LPP: variants seen among roughly 807,000 people sequenced by gnomAD.
The protein encoded by LPP is lipoma-preferred partner.
In LPP, 38 loss-of-function variants were observed where a neutral mutation model predicts 60.4. The observed-to-expected ratio is 0.63, with a 90% CI of 0.49 to 0.83. LPP has a LOEUF of 0.83. Ranked by LOEUF, LPP falls within the 40% of genes least tolerant of loss-of-function variation. LPP has a pLI of 0.00. For synonymous variants in LPP, 328 were observed against 290.8 expected (o/e 1.13, Z -1.30); for missense variants, 902 against 783.6 (o/e 1.15, Z -1.80).
chr3:188,240,342 A>AGT (rs75173733), intron 2 of LPP, among the ~76,000 whole-genome samples: 4,229 of 143,692 alleles, frequency 0.029, 96 homozygotes, highest in South Asian at 0.06. Context: ...TTTGGGTAAG[A>AGT]GTGTGTGTGT....
chr3:188,489,077 A>G (rs1313681576), intron 5 of LPP, among the ~76,000 whole-genome samples: 2 of 152,216 alleles, frequency 1.3e-5, no homozygotes, highest in Non-Finnish European at 2.9e-5. Flanking sequence ...TGGACTTGCA[A>G]GAGAATTAGA....
chr3:188,780,507 AATC>A (rs1436569012), intron 9 of LPP, among the ~76,000 whole-genome samples: 1 of 152,148 alleles, frequency 6.6e-6, no homozygotes, highest in Non-Finnish European at 1.5e-5. Flanking sequence ...TTCCCAAAGG[AATC>A]ATCTGTGAAG....
chr3:188,681,860 A>G (rs148447806), intron 7 of LPP, among the ~76,000 whole-genome samples: 5 of 152,302 alleles, frequency 3.3e-5, no homozygotes, highest in African/African-American at 1.2e-4. Context: ...GTGTGTGCAT[A>G]TTGTTTGTCT....
At chr3:188,246,602 A>G (rs1268394557) in intron 2 of LPP, among the ~76,000 whole-genome samples, 1 of 152,184 alleles carries the variant, frequency 6.6e-6, no homozygotes. Flanking sequence ...TTTTCTATTC[A>G]GCAACAACAT....
chr3:188,760,409 G>GGGTGTGTGTGTGTGT (rs1553836222), intron 9 of LPP, 127 bp downstream of exon 9: 7 of 602,710 alleles, frequency 1.2e-5, no homozygotes, highest in South Asian at 1.9e-5. Flanking sequence ...GTGTGTGTGG[G>GGGTGTGTGTGTGTGT]GTGTGTGTGT....
intron 9 of LPP, among the ~76,000 whole-genome samples, chr3:188,810,291 C>T (rs1231622595): frequency 6.6e-6 from 1 of 152,076 alleles, no homozygotes; most frequent in Non-Finnish European, 1.5e-5. Flanking sequence ...CATCCTGTCT[C>T]TCCTCAGAGG....
intron 2 of LPP, among the ~76,000 whole-genome samples, chr3:188,294,660 T>C (rs1577914298): frequency 6.6e-6 from 1 of 152,214 alleles, no homozygotes; most frequent in East Asian, 1.9e-4. Flanking sequence ...GTACTGACAG[T>C]CCTGATTGTA....
chr3:188,230,092 CTT>C (rs112163584), intron 2 of LPP, among the ~76,000 whole-genome samples: 1 of 146,144 alleles, frequency 6.8e-6, no homozygotes, highest in African/African-American at 2.5e-5. Context: ...GAAACATATT[CTT>C]TTTTTTTTTT....
At position 188,609,699 on chromosome 3, in the gene LPP, C is replaced by G. The variant is rs1338841254; in HGVS notation, c.968C>G (p.Pro323Arg). 3.1e-6 allele frequency: 5 copies of G among 1,613,966 alleles called. No homozygotes were observed. Among genetic ancestry groups the G allele is most frequent in the Non-Finnish European group, 3.4e-6 (4 of 1,180,016 alleles). ...CCTACCTATGGTCAACAAGGTCACC[C>G]AAATACCTGGAAACGGGAACCAGGG... ...SDPTYGQQGH[P>R]NTWKREPGYT... Residue 323 changes from proline (P) to arginine (R), a missense_variant, in exon 7 of 12, where the codon CCA becomes CGA. Transcript: ENST00000617246. This position sits in a 1 kb window ranked among gnomAD's most constrained non-coding sequence, Gnocchi z 6.9.
intron 9 of LPP, among the ~76,000 whole-genome samples, chr3:188,779,243 A>G (rs1034146257): frequency 1.3e-5 from 2 of 152,142 alleles, no homozygotes; most frequent in Non-Finnish European, 2.9e-5. Context: ...AGTGTGCTTG[A>G]GAGATAGGGG....
intron 1 of LPP, among the ~76,000 whole-genome samples, chr3:188,223,738 G>T (rs1716669956): frequency 6.6e-6 from 1 of 152,168 alleles, no homozygotes; most frequent in South Asian, 2.1e-4. Flanking sequence ...ATCTCTCTCT[G>T]CAAGGAGAAG....
At chr3:188,279,332 G>A (rs1741118205) in intron 2 of LPP, among the ~76,000 whole-genome samples, 1 of 152,144 alleles carries the variant, frequency 6.6e-6, no homozygotes, top group African/African-American at 2.4e-5. Context: ...TAAAACAAAG[G>A]TAACCTCTCA....
At chr3:188,536,080 C>G (rs11924803) in intron 6 of LPP, among the ~76,000 whole-genome samples, 1,849 of 144,774 alleles carry the variant, frequency 0.013, 38 homozygotes, top group African/African-American at 0.045. Context: ...ATGATCTCAT[C>G]TCACCGCAAC....
intron 8 of LPP, among the ~76,000 whole-genome samples, chr3:188,734,947 C>G (rs1298601231): frequency 6.6e-6 from 1 of 152,194 alleles, no homozygotes; most frequent in African/African-American, 2.4e-5. Context: ...ATGCCATAAT[C>G]TACACGTGAA....
intron 3 of LPP, among the ~76,000 whole-genome samples, chr3:188,379,893 G>T (rs1578470324): frequency 6.6e-6 from 1 of 152,200 alleles, no homozygotes. Context: ...AGACTATTGG[G>T]TCTGCTGACT....
At chr3:188,276,815 G>A (rs1419378553) in intron 2 of LPP, among the ~76,000 whole-genome samples, 1 of 150,434 alleles carries the variant, frequency 6.6e-6, no homozygotes, top group East Asian at 1.9e-4. Flanking sequence ...CTCCACAGAA[G>A]GAGATGCTGC....
At chr3:188,767,797 A>T (rs1734631186) in intron 9 of LPP, among the ~76,000 whole-genome samples, 1 of 152,180 alleles carries the variant, frequency 6.6e-6, no homozygotes, top group Non-Finnish European at 1.5e-5. Flanking sequence ...ATGCCAAGTA[A>T]TACTAGTCTC....
chr3:188,719,004 G>A (rs1412556414), intron 8 of LPP, among the ~76,000 whole-genome samples: 1 of 151,914 alleles, frequency 6.6e-6, no homozygotes, highest in Non-Finnish European at 1.5e-5. Flanking sequence ...TTCACTTAAG[G>A]GCACAGGAAA....
rs373793908 is a variant in LPP, at chr3:188,318,863, A to G, written c.-66-22800A>G. Among the ~76,000 whole-genome samples, 101 of 138,652 alleles carry G rather than the reference A, an allele frequency of 7.3e-4. No homozygotes were observed. The East Asian group carries it at 0.015, about 20-fold the overall frequency. The allele number at this position is 138,652 out of a possible 152,430, so 91.0% of individuals were successfully genotyped here. ...AAGCTCCGCCTCCCGGGTTCACGCC[A>G]TTCTCCTGCCTCAGCCTCCCAAGTA... On this transcript the variant is annotated intron_variant, in intron 2 of 11. Coordinates refer to ENST00000617246, the MANE Select transcript of LPP (RefSeq NM_001375462.1).
Sources: allele counts gnomAD v4.1 joint callset (sites outside exome capture counted in the v4.1 genomes callset), GRCh38; gene constraint gnomAD v4.1.1; non-coding constraint Gnocchi (gnomAD v3.1); transcripts MANE v1.5; gene names NCBI Gene and HGNC (gene_info 2026-07-23, HGNC 2026-07-21).